Variants in HTR1F observed in about 807,000 individuals in gnomAD.
HTR1F encodes 5-hydroxytryptamine receptor 1F.
HTR1F carries 17 observed loss-of-function variants against 24.0 expected under a neutral mutation model. That is an observed-to-expected ratio of 0.71 (90% CI 0.48 to 1.06). The LOEUF (loss-of-function observed/expected upper bound fraction) is 1.06. Ranked by LOEUF, HTR1F falls within the 50% of genes least tolerant of loss-of-function variation. HTR1F has a pLI of 0.00. For missense variants in HTR1F, 391 were observed against 427.8 expected (o/e 0.91, Z 0.76); for synonymous variants, 186 against 156.8 (o/e 1.19, Z -1.39).
At chr3:87,937,895 G>A (rs1704464602) in intron 2 of HTR1F, among the ~76,000 whole-genome samples, 1 of 149,074 alleles carries the variant, frequency 6.7e-6, no homozygotes, top group Non-Finnish European at 1.5e-5. Context: ...CTGCACTCCA[G>A]CTTGGGCAAT....
intron 2 of HTR1F, among the ~76,000 whole-genome samples, chr3:87,933,088 A>G (rs1704322579): frequency 6.6e-6 from 1 of 150,896 alleles, no homozygotes; most frequent in Non-Finnish European, 1.5e-5. Flanking sequence ...TATAAACAGA[A>G]CCAAAGACAA....
At chr3:87,883,232 G>T (rs188072275) in intron 2 of HTR1F, among the ~76,000 whole-genome samples, 1 of 152,318 alleles carries the variant, frequency 6.6e-6, no homozygotes, top group East Asian at 1.9e-4. Context: ...TGAGCGACCT[G>T]ACTGTTGAAA....
intron 2 of HTR1F, among the ~76,000 whole-genome samples, chr3:87,889,003 C>T (rs559664025): frequency 1.3e-5 from 2 of 152,196 alleles, no homozygotes; most frequent in African/African-American, 2.4e-5. Flanking sequence ...ATATCCTTCA[C>T]GAATAGATTA....
At chr3:87,913,103 T>G (rs1289378716) in intron 2 of HTR1F, among the ~76,000 whole-genome samples, 2 of 152,050 alleles carry the variant, frequency 1.3e-5, no homozygotes, top group African/African-American at 2.4e-5. Flanking sequence ...CTAATTAAAT[T>G]TAAGAGCTTC....
At chr3:87,832,844 G>A (rs1335654654) in intron 2 of HTR1F, among the ~76,000 whole-genome samples, 4 of 152,202 alleles carry the variant, frequency 2.6e-5, no homozygotes, top group African/African-American at 7.2e-5. Context: ...CTTTTATCAA[G>A]AGTTCCAGGA....
At chr3:87,987,696 AATATATGTATTAT>A (rs1480580202) in intron 2 of HTR1F, among the ~76,000 whole-genome samples, 21 of 124,166 alleles carry the variant, frequency 1.7e-4, no homozygotes, top group African/African-American at 6.3e-4. Flanking sequence ...ATATATATAA[AATATATGTATTAT>A]ATATATGTAT....
chr3:87,851,661 C>A (rs1705089329), intron 2 of HTR1F, among the ~76,000 whole-genome samples: 1 of 151,612 alleles, frequency 6.6e-6, no homozygotes, highest in East Asian at 1.9e-4. Context: ...TCCTCTATGA[C>A]ATTCTTTTTA....
chr3:87,817,108 A>G (rs529350169), intron 1 of HTR1F, among the ~76,000 whole-genome samples: 6 of 152,252 alleles, frequency 3.9e-5, no homozygotes, highest in Admixed American at 3.3e-4. Context: ...CACACACAAG[A>G]TATCCCACAA....
intron 2 of HTR1F, among the ~76,000 whole-genome samples, chr3:87,925,875 C>T (rs945529191): frequency 2.0e-5 from 3 of 152,106 alleles, no homozygotes; most frequent in African/African-American, 4.8e-5. Flanking sequence ...AGTTTTTGTA[C>T]TTCAGAAGGC....
chr3:87,965,413 C>T (rs1705143354), intron 2 of HTR1F, among the ~76,000 whole-genome samples: 2 of 151,998 alleles, frequency 1.3e-5, no homozygotes, highest in Admixed American at 1.3e-4. Flanking sequence ...ATATATATTG[C>T]AAAACTAAAT....
intron 2 of HTR1F, among the ~76,000 whole-genome samples, chr3:87,907,111 T>TA (rs1378761058): frequency 1.3e-5 from 2 of 152,080 alleles, no homozygotes; most frequent in Non-Finnish European, 2.9e-5. Context: ...GGAATCTCCA[T>TA]ACTGTTTTTC....
intron 2 of HTR1F, among the ~76,000 whole-genome samples, chr3:87,843,972 A>G (rs534799707): frequency 1.1e-4 from 16 of 150,902 alleles, no homozygotes; most frequent in Admixed American, 6.6e-4. Context: ...ATTGTGAATA[A>G]TGCTGCAATA....
intron 2 of HTR1F, among the ~76,000 whole-genome samples, chr3:87,920,240 G>A (rs1220524572): frequency 6.6e-6 from 1 of 151,724 alleles, no homozygotes; most frequent in Non-Finnish European, 1.5e-5. Context: ...TGGACTTTGG[G>A]GACTCAGGGG....
At chr3:87,947,639 G>C (rs569785688) in intron 2 of HTR1F, among the ~76,000 whole-genome samples, 8 of 152,200 alleles carry the variant, frequency 5.3e-5, no homozygotes, top group Non-Finnish European at 1.0e-4. Context: ...GCCAGCAATA[G>C]CCACTTCCTA....
At chr3:87,795,068 A>T (rs1277206366) in intron 1 of HTR1F, among the ~76,000 whole-genome samples, 1 of 138,150 alleles carries the variant, frequency 7.2e-6, no homozygotes, top group Non-Finnish European at 1.5e-5. Flanking sequence ...GCTCACTGCA[A>T]CCTCTGACTC....
At chr3:87,836,453 G>C (rs1167447272) in intron 2 of HTR1F, among the ~76,000 whole-genome samples, 1 of 151,842 alleles carries the variant, frequency 6.6e-6, no homozygotes, top group Admixed American at 6.6e-5. Context: ...ATTTTTGTTT[G>C]GAAAATAATT....
chr3:87,982,460 T>C (rs1705565756), intron 2 of HTR1F, among the ~76,000 whole-genome samples: 1 of 152,178 alleles, frequency 6.6e-6, no homozygotes, highest in Non-Finnish European at 1.5e-5. Flanking sequence ...ACACAAAGTT[T>C]TGAAGAAAAC....
chr3:87,919,100 GC>G (rs746513831), intron 2 of HTR1F, among the ~76,000 whole-genome samples: 1 of 151,828 alleles, frequency 6.6e-6, no homozygotes, highest in Non-Finnish European at 1.5e-5. Flanking sequence ...CTTTGACAAA[GC>G]AAACAAAAAC....
At chr3:87,799,880 T>C (rs1229445922) in intron 1 of HTR1F, among the ~76,000 whole-genome samples, 1 of 152,148 alleles carries the variant, frequency 6.6e-6, no homozygotes, top group Non-Finnish European at 1.5e-5. Context: ...ATAATTAAAC[T>C]CATCTTTCTC....
Sources: gnomAD v4.1 joint callset for allele counts (sites outside exome capture counted in the v4.1 genomes callset) on GRCh38, gnomAD v4.1.1 for gene constraint, MANE v1.5 for transcripts, NCBI Gene and HGNC (gene_info 2026-07-23, HGNC 2026-07-21) for gene names.